TTLL9: variants seen among roughly 807,000 people sequenced by gnomAD.
The protein encoded by TTLL9 is probable tubulin polyglutamylase TTLL9.
A neutral mutation model predicts 65.6 loss-of-function variants in TTLL9; 47 were observed. The observed-to-expected ratio is 0.72, with a 90% CI of 0.57 to 0.91. The LOEUF (loss-of-function observed/expected upper bound fraction) is 0.91. Among genes scored for constraint, TTLL9 ranks in the 40% least tolerant of loss-of-function variants. The probability of loss-of-function intolerance (pLI) is 0.00; values close to 1 mark genes in which losing one functional copy is unlikely to be tolerated. For synonymous variants in TTLL9, 179 were observed against 204.8 expected, an observed-to-expected ratio of 0.87 and a Z score of 1.07; for missense variants, 537 against 568.8, an observed-to-expected ratio of 0.94 and a Z score of 0.57.
intron 6 of TTLL9, among the ~76,000 whole-genome samples, chr20:31,916,436 G>A (rs1267085720): frequency 2.6e-5 from 4 of 152,220 alleles, no homozygotes; most frequent in Non-Finnish European, 5.9e-5. Context: ...CAGCCCCGAT[G>A]TAACACCATG....
chr20:31,925,854 CT>C (rs2063894197), intron 9 of TTLL9, 194 bp from the exon 10 acceptor site: 1 of 1,549,476 alleles, frequency 6.5e-7, no homozygotes, highest in African/African-American at 1.4e-5. Flanking sequence ...CTCTCTCTCT[CT>C]TCCCACCTCT....
intron 13 of TTLL9, 36 bp from the exon 14 acceptor site, chr20:31,939,106 A>C (rs2064164102): frequency 6.5e-7 from 1 of 1,527,522 alleles, no homozygotes; most frequent in Non-Finnish European, 8.8e-7. Flanking sequence ...TGCCAGGTGC[A>C]CCTTCATTAA....
chr20:31,926,007 C>T (rs2063898527), intron 9 of TTLL9, 42 bp from the exon 10 acceptor site: 15 of 1,612,478 alleles, frequency 9.3e-6, no homozygotes, highest in Non-Finnish European at 1.3e-5. Context: ...CTACCCCTTC[C>T]CACACTCTGG....
chr20:31,920,662 G>A (rs1055199848), intron 7 of TTLL9: 1 of 152,668 alleles, frequency 6.6e-6, no homozygotes, highest in African/African-American at 2.4e-5. Flanking sequence ...ACAGGAAAGA[G>A]CTCAGCAGCC....
chr20:31,886,701 T>A (rs1208291488), intron 2 of TTLL9, among the ~76,000 whole-genome samples: 1 of 152,068 alleles, frequency 6.6e-6, no homozygotes, highest in Non-Finnish European at 1.5e-5. Flanking sequence ...TGCCTGTAAT[T>A]CCAGCTACTA....
rs570387650 is a variant in TTLL9 at position 31,923,898 on chromosome 20, C to T, written c.664+845C>T. On this transcript the variant is annotated intron_variant, in intron 8 of 14. Transcript: ENST00000535842. ...GGCCAGTGACTCCCAGCTTTCTGTCCCCAGCCGAGACCTTGCCCCTGAACC... is the reference window on the plus strand; with the variant it reads ...GGCCAGTGACTCCCAGCTTTCTGTCTCCAGCCGAGACCTTGCCCCTGAACC... Among the ~76,000 whole-genome samples, 28 of 152,224 alleles carry T rather than the reference C, an allele frequency of 1.8e-4. 1 individual carries two copies. The South Asian group carries it at 2.5e-3, about 14-fold the overall frequency.
At chr20:31,881,728 C>T (rs1316339794) in intron 2 of TTLL9, among the ~76,000 whole-genome samples, 1 of 150,986 alleles carries the variant, frequency 6.6e-6, no homozygotes, top group African/African-American at 2.4e-5. Flanking sequence ...GCCTCAGCTT[C>T]CTGCATATCA....
At chr20:31,939,362 T>C in intron 14 of TTLL9, 96 bp downstream of exon 14, 2 of 1,425,780 alleles carry the variant, frequency 1.4e-6, no homozygotes, top group South Asian at 2.6e-5. Flanking sequence ...TTAGATTGTT[T>C]GAATTCAATC....
At chr20:31,877,735 T>C (rs1480492110) in intron 2 of TTLL9, among the ~76,000 whole-genome samples, 2 of 152,216 alleles carry the variant, frequency 1.3e-5, no homozygotes, top group Non-Finnish European at 2.9e-5. Context: ...CCTGTGTCTG[T>C]TTTGAAGCTC....
At chr20:31,874,657 A>G (rs1600508499) in intron 2 of TTLL9, among the ~76,000 whole-genome samples, 1 of 151,590 alleles carries the variant, frequency 6.6e-6, no homozygotes, top group African/African-American at 2.4e-5. Context: ...TGATCCACCC[A>G]CCTTGGCCCC....
rs117415805 is a variant in TTLL9, at chr20:31,908,689, G to T, written c.305G>T (p.Arg102Leu). 142 of 1,613,846 alleles carry T rather than the reference G, an allele frequency of 8.8e-5. No homozygotes were observed. The highest frequency in any genetic ancestry group is 1.2e-4 in the Non-Finnish European group (138 of 1,179,920). ...GAACATGTGCGGATCAGTCACTTCCGGAACCACTATGAGGTGAGCTGGGCA... is the reference window on the plus strand; with the variant it reads ...GAACATGTGCGGATCAGTCACTTCCTGAACCACTATGAGGTGAGCTGGGCA... The part of the protein sequence containing the change: ...MDEHVRISHF[R>L]NHYELTRKNY... Residue 102 changes from arginine to leucine, a missense_variant, in exon 5 of 15, where the codon CGG becomes CTG. By Grantham distance (102) the Arg-to-Leu change is moderately radical. Around this residue, in one of 3 missense-constraint regions of TTLL9, gnomAD observed 320 missense variants for 311.0 expected, o/e 1.03. Coordinates refer to ENST00000535842, the MANE Select transcript of TTLL9 (RefSeq NM_001008409.5).
chr20:31,935,016 C>A, intron 12 of TTLL9, 128 bp downstream of exon 12: 1 of 876,390 alleles, frequency 1.1e-6, no homozygotes, highest in Non-Finnish European at 1.8e-6. Flanking sequence ...ATTTACTGTG[C>A]CTCAATTTGC....
intron 3 of TTLL9, among the ~76,000 whole-genome samples, chr20:31,889,120 G>C (rs773649402): frequency 6.6e-6 from 1 of 151,866 alleles, no homozygotes; most frequent in Non-Finnish European, 1.5e-5. Flanking sequence ...GGCACATATA[G>C]ATATGTGTTC....
At position 31,870,963 on chromosome 20, in the gene TTLL9, T is replaced by G. The variant is rs1487986869; in HGVS notation, c.-6+14T>G. ...GGAACGGGATAAGTGGGTAATTCCT[T>G]CCGATACATCCTCTCCACCCGTGCA... On this transcript the variant is annotated intron_variant, in intron 1 of 14. Coordinates refer to ENST00000535842, the MANE Select transcript of TTLL9 (RefSeq NM_001008409.5). This position sits in a 1 kb window ranked among gnomAD's most constrained non-coding sequence, Gnocchi z 6.6. 1.4e-6 allele frequency: 1 copy of G among 713,966 alleles called. No individual in the cohort carries two copies. The highest frequency in any genetic ancestry group is 2.5e-5 in the East Asian group (1 of 39,804). The allele number at this position is 713,966 out of a possible 1,614,324, so 44.2% of individuals were successfully genotyped here.
intron 7 of TTLL9, among the ~76,000 whole-genome samples, chr20:31,922,098 A>C (rs973515153): frequency 6.6e-6 from 1 of 151,916 alleles, no homozygotes; most frequent in Non-Finnish European, 1.5e-5. Flanking sequence ...GTGAAACCCC[A>C]TCTCTACTAA....
chr20:31,906,532 A>G (rs1194259285), intron 4 of TTLL9, among the ~76,000 whole-genome samples: 1 of 152,144 alleles, frequency 6.6e-6, no homozygotes, highest in Non-Finnish European at 1.5e-5. Flanking sequence ...GGTGATGGTG[A>G]TGTCTCTTCA....
rs201695506 is a variant in TTLL9 at position 31,873,834 on chromosome 20, AAG to A, written c.69+2641_69+2642del. Among the ~76,000 whole-genome samples, 25 of 78,338 alleles carry A rather than the reference AAG, an allele frequency of 3.2e-4. 1 individual carries two copies. The highest frequency in any genetic ancestry group is 1.1e-3 in the African/African-American group (23 of 20,236). 51.4% of individuals were successfully genotyped at this position (78,338 alleles called of 152,430 possible). A position where few individuals can be genotyped will look rare whatever the true frequency, so the allele number is the denominator to read the frequency against. On this transcript the variant is annotated intron_variant, in intron 2 of 14. Coordinates refer to ENST00000535842, the MANE Select transcript of TTLL9 (RefSeq NM_001008409.5). Reference sequence around the variant, plus strand: ...GAAGGAAGGAAGGAAGAAAGAAAGAAAGAAAGAAAGAAAGAAAGAAAGAAAGA... The same window carrying A: ...GAAGGAAGGAAGGAAGAAAGAAAGAAAAAGAAAGAAAGAAAGAAAGAAAGA...
chr20:31,924,164 G>T lies in TTLL9; in HGVS notation c.665-845G>T, dbSNP rs1302313274. 4.0e-4 allele frequency among the ~76,000 whole-genome samples: 61 copies of T among 152,020 alleles called. 1 individual carries two copies. Among genetic ancestry groups the T allele is most frequent in the Admixed American group, 4.0e-3 (61 of 15,272 alleles). ...TTCCTCTCACCTCCACCCCGGGCCT[G>T]GCCACCATCCTCTTCCTCCTAGACA... On this transcript the variant is annotated intron_variant, in intron 8 of 14. Coordinates refer to ENST00000535842, the MANE Select transcript of TTLL9 (RefSeq NM_001008409.5).
intron 3 of TTLL9, among the ~76,000 whole-genome samples, chr20:31,888,575 G>A (rs930217143): frequency 9.2e-5 from 14 of 152,098 alleles, no homozygotes; most frequent in African/African-American, 3.4e-4. Context: ...GGGTTCAAGC[G>A]ATTCTGCTGC....
Sources: gnomAD v4.1 joint callset for allele counts (sites outside exome capture counted in the v4.1 genomes callset) on GRCh38, gnomAD v4.1.1 for gene constraint, gnomAD v4.1.1 regional missense constraint, Gnocchi (gnomAD v3.1) non-coding constraint, MANE v1.5 for transcripts, NCBI Gene and HGNC (gene_info 2026-07-23, HGNC 2026-07-21) for gene names.